COL21A1: variants seen among roughly 807,000 people sequenced by gnomAD.
COL21A1 encodes collagen type XXI alpha 1 chain.
In COL21A1, 149 loss-of-function variants were observed where a neutral mutation model predicts 137.9. The ratio of observed to expected loss-of-function variants is 1.08; its 90% confidence interval spans 0.95 to 1.24. COL21A1 has a LOEUF of 1.24. Ranked by LOEUF, COL21A1 falls within the 50% of genes most tolerant of loss-of-function variation. COL21A1 has a pLI of 0.00. For synonymous variants in COL21A1, 456 were observed against 391.5 expected, an observed-to-expected ratio of 1.16 and a Z score of -1.95; for missense variants, 1,167 against 1,158.4, an observed-to-expected ratio of 1.01 and a Z score of -0.11.
At chr6:56,164,925 A>G (rs1187103958) in intron 7 of COL21A1, 103 bp from the exon 8 acceptor site, 1 of 969,804 alleles carries the variant, frequency 1.0e-6, no homozygotes, top group Non-Finnish European at 1.5e-6. Context: ...GAGATATATG[A>G]AGTATGAAAA....
intron 1 of COL21A1, among the ~76,000 whole-genome samples, chr6:56,354,598 A>G (rs997653082): frequency 1.3e-5 from 2 of 152,172 alleles, no homozygotes; most frequent in African/African-American, 4.8e-5. Context: ...AATAAATACA[A>G]TGGCTGGGCA....
At chr6:56,304,483 T>G (rs1378939939) in intron 1 of COL21A1, among the ~76,000 whole-genome samples, 1 of 152,220 alleles carries the variant, frequency 6.6e-6, no homozygotes, top group Non-Finnish European at 1.5e-5. Flanking sequence ...GTCGAGGAAT[T>G]TATCCATTTC....
At position 56,180,262 on chromosome 6, in the gene COL21A1, C is replaced by A. The variant is rs1467260936; in HGVS notation, c.89-133G>T. 4.0e-6 allele frequency: 3 copies of A among 753,116 alleles called. No homozygotes were observed. In the African/African-American group the frequency reaches 5.4e-5, roughly 13 times the overall value. The allele number at this position is 753,116 out of a possible 1,614,324, so 46.7% of individuals were successfully genotyped here. Reference sequence around the variant, plus strand: ...TAAATTGTCTGTGAAATATGTTTAGCTTAATGCTAACGTGAAATATTACAA... The same window carrying A: ...TAAATTGTCTGTGAAATATGTTTAGATTAATGCTAACGTGAAATATTACAA... On this transcript the variant is annotated intron_variant, in intron 2 of 29. Coordinates refer to ENST00000244728, the MANE Select transcript of COL21A1 (RefSeq NM_030820.4).
chr6:56,334,033 C>T (rs13205993), intron 1 of COL21A1, among the ~76,000 whole-genome samples: 2 of 20,680 alleles, frequency 9.7e-5, no homozygotes, highest in African/African-American at 1.6e-4. Flanking sequence ...TTGCATATGA[C>T]AGTATGGAGT....
rs1270619852 is a variant in COL21A1 at position 56,193,804 on chromosome 6, G to C, written c.-38-11148C>G. 2.0e-5 allele frequency among the ~76,000 whole-genome samples: 3 copies of C among 151,172 alleles called. No homozygotes were observed. In the East Asian group the frequency reaches 5.8e-4, roughly 29 times the overall value. ...AAGGAGTCTCACTCTCACCAGGCTG[G>C]ACTGCAGTGGTGCTATCTCAGCTCA... On this transcript the variant is annotated intron_variant, in intron 1 of 29. Coordinates refer to ENST00000244728, the MANE Select transcript of COL21A1 (RefSeq NM_030820.4).
At chr6:56,243,654 T>C (rs1782479071) in intron 1 of COL21A1, among the ~76,000 whole-genome samples, 2 of 152,340 alleles carry the variant, frequency 1.3e-5, no homozygotes, top group African/African-American at 4.8e-5. Flanking sequence ...TTAACTCATT[T>C]ACTCCTCACA....
At chr6:56,261,297 CATT>C (rs202050808) in intron 1 of COL21A1, among the ~76,000 whole-genome samples, 3,047 of 152,222 alleles carry the variant, frequency 0.02, 55 homozygotes, top group Non-Finnish European at 0.035. Flanking sequence ...CAGAAGCTAA[CATT>C]ATAGTCAGAT....
At chr6:56,374,159 T>C (rs549691234) in intron 1 of COL21A1, among the ~76,000 whole-genome samples, 30 of 152,338 alleles carry the variant, frequency 2.0e-4, no homozygotes, top group African/African-American at 6.0e-4. Context: ...ACGACTTGTA[T>C]GAAATATCCA....
At chr6:56,158,263 T>TC (rs1247327859) in intron 9 of COL21A1, among the ~76,000 whole-genome samples, 4 of 117,384 alleles carry the variant, frequency 3.4e-5, no homozygotes, top group African/African-American at 1.1e-4. Context: ...CTTTTTTTTT[T>TC]TTCTTTTTTT....
In COL21A1 at chr6:56,376,877, G is replaced by GA. The variant is rs547896173; in HGVS notation, c.-39+17093dup. ...GACACCAATTTAACAACTGTCTATA[G>GA]AAAAAAATCACCTTCATAAGAACCA... On this transcript the variant is annotated intron_variant, in intron 1 of 28. Coordinates refer to the COL21A1 transcript ENST00000370819. Among the ~76,000 whole-genome samples, 419 of 126,022 alleles carry GA rather than the reference G, an allele frequency of 3.3e-3. 1 individual carries two copies. Among genetic ancestry groups the GA allele is most frequent in the African/African-American group, 0.011 (360 of 31,574 alleles). The allele number at this position is 126,022 out of a possible 152,430, so 82.7% of individuals were successfully genotyped here. A position where few individuals can be genotyped will look rare whatever the true frequency, so the allele number is the denominator to read the frequency against.
In COL21A1 at chr6:56,182,644, G is replaced by T; in HGVS notation, c.-26C>A. 3 of 1,524,514 alleles carry T rather than the reference G, an allele frequency of 2.0e-6. No individual in the cohort carries two copies. The highest frequency in any genetic ancestry group is 2.7e-6 in the Non-Finnish European group (3 of 1,113,568). The allele number at this position is 1,524,514 out of a possible 1,614,324, so 94.4% of individuals were successfully genotyped here. ...GTTTCTGTTTTCGTTCTAATATTTT[G>T]GTTTTAGGATTCCTAGGGGGAAAAA... On this transcript the variant is annotated 5_prime_UTR_variant, in exon 2 of 30. Coordinates refer to ENST00000244728, the MANE Select transcript of COL21A1 (RefSeq NM_030820.4).
chr6:56,251,843 C>A (rs184462090), upstream of COL21A1, among the ~76,000 whole-genome samples: 1 of 152,284 alleles, frequency 6.6e-6, no homozygotes, highest in East Asian at 1.9e-4. Flanking sequence ...TCTAGCAGTC[C>A]TATGTAAATG....
chr6:56,098,663 A>ATG (rs1770083719), intron 17 of COL21A1, among the ~76,000 whole-genome samples: 1 of 31,800 alleles, frequency 3.1e-5, no homozygotes, highest in South Asian at 9.0e-4. Flanking sequence ...ATAAATATAT[A>ATG]TAAATATATA....
chr6:56,171,236 T>C, intron 3 of COL21A1, 108 bp from the exon 4 acceptor site: 1 of 652,848 alleles, frequency 1.5e-6, no homozygotes, highest in Non-Finnish European at 2.5e-6. Flanking sequence ...ATTAGAATTA[T>C]AAAATCTACA....
chr6:56,166,036 T>C (rs1359983152), intron 7 of COL21A1, among the ~76,000 whole-genome samples: 1 of 152,040 alleles, frequency 6.6e-6, no homozygotes, highest in East Asian at 1.9e-4. Flanking sequence ...ACGCTGCTTA[T>C]ATTCTAGAAC....
At chr6:56,134,924 G>A (rs1377767409) in intron 12 of COL21A1, among the ~76,000 whole-genome samples, 1 of 151,872 alleles carries the variant, frequency 6.6e-6, no homozygotes, top group Non-Finnish European at 1.5e-5. Context: ...TCTTTCTTTT[G>A]TAAATTGCCC....
At chr6:56,147,187 T>C (rs1014958413) in intron 10 of COL21A1, among the ~76,000 whole-genome samples, 4 of 152,128 alleles carry the variant, frequency 2.6e-5, no homozygotes, top group African/African-American at 9.6e-5. Flanking sequence ...CTAGTAATTG[T>C]GCTTTTCATA....
At chr6:56,275,099 A>C (rs1562035399) in intron 1 of COL21A1, among the ~76,000 whole-genome samples, 1 of 152,196 alleles carries the variant, frequency 6.6e-6, no homozygotes, top group Non-Finnish European at 1.5e-5. Flanking sequence ...GCTGACAAAA[A>C]ACAAGCAATT....
intron 1 of COL21A1, among the ~76,000 whole-genome samples, chr6:56,321,310 T>TA (rs1344520704): frequency 2.0e-5 from 3 of 152,072 alleles, no homozygotes; most frequent in East Asian, 1.9e-4. Context: ...TTGCCCATTA[T>TA]AAAAAAAATT....
Sources: gnomAD v4.1 joint callset for allele counts (sites outside exome capture counted in the v4.1 genomes callset) on GRCh38, gnomAD v4.1.1 for gene constraint, MANE v1.5 for transcripts, NCBI Gene and HGNC (gene_info 2026-07-23, HGNC 2026-07-21) for gene names.